The following CDH13 variants were observed in gnomAD, a reference collection of about 807,000 sequenced individuals.
CDH13 encodes the protein cadherin 13, also known as cadherin-13.
Under a neutral mutation model 63.8 loss-of-function variants are expected in CDH13, and 24 were observed. That is an observed-to-expected ratio of 0.38 (90% CI 0.27 to 0.53). The LOEUF (loss-of-function observed/expected upper bound fraction) is 0.53, where lower values mean the gene tolerates loss of function less well. CDH13 is among the 20% of genes least tolerant of loss of function. The pLI, the probability that CDH13 is intolerant of heterozygous loss-of-function variation, is 0.85. For synonymous variants in CDH13, 503 were observed against 355.3 expected (o/e 1.42, Z -4.67); for missense variants, 1,049 against 903.1 (o/e 1.16, Z -2.07).
At chr16:82,837,243 C>G (rs1261947643) in intron 1 of CDH13, among the ~76,000 whole-genome samples, 6 of 152,204 alleles carry the variant, frequency 3.9e-5, no homozygotes, top group Admixed American at 3.3e-4. Flanking sequence ...ATCTTAATTA[C>G]TTTGTCTGTA....
chr16:83,278,689 T>C (rs527608264), intron 5 of CDH13, among the ~76,000 whole-genome samples: 1 of 152,170 alleles, frequency 6.6e-6, no homozygotes, highest in Non-Finnish European at 1.5e-5. Context: ...TCCAGGGTAG[T>C]CTTTCATATG....
At chr16:83,380,581 G>A (rs1396953422) in intron 6 of CDH13, among the ~76,000 whole-genome samples, 1 of 152,080 alleles carries the variant, frequency 6.6e-6, no homozygotes, top group African/African-American at 2.4e-5. Flanking sequence ...GTCTGTATAG[G>A]GCAGTCTGGA....
chr16:82,865,303 A>C (rs2040088136), intron 2 of CDH13, among the ~76,000 whole-genome samples: 1 of 152,192 alleles, frequency 6.6e-6, no homozygotes, highest in Non-Finnish European at 1.5e-5. Context: ...TGGGGATTTC[A>C]ACCCCACATT....
chr16:83,098,752 T>C (rs1033376452), intron 3 of CDH13, among the ~76,000 whole-genome samples: 9 of 152,236 alleles, frequency 5.9e-5, no homozygotes, highest in Non-Finnish European at 8.8e-5. Flanking sequence ...CTGTGTGCCA[T>C]GTGTCTTCTT....
chr16:83,249,445 T>C (rs1299247289), intron 5 of CDH13, among the ~76,000 whole-genome samples: 1 of 152,244 alleles, frequency 6.6e-6, no homozygotes, highest in Admixed American at 6.5e-5. Context: ...ACACCCATTA[T>C]GTCCTGTGCA....
intron 1 of CDH13, among the ~76,000 whole-genome samples, chr16:82,748,186 C>T (rs2034261622): frequency 1.3e-5 from 2 of 152,170 alleles, no homozygotes; most frequent in South Asian, 2.1e-4. Flanking sequence ...GCCCTGGCCA[C>T]GTCTCTGTAG....
At chr16:83,672,527 T>A (rs1266120968) in intron 9 of CDH13, among the ~76,000 whole-genome samples, 1 of 146,252 alleles carries the variant, frequency 6.8e-6, no homozygotes, top group Non-Finnish European at 1.5e-5. Context: ...TGGGTTCAAG[T>A]GATTCTCCTG....
intron 7 of CDH13, among the ~76,000 whole-genome samples, chr16:83,524,445 C>CTTT (rs150233410): frequency 1.2e-4 from 7 of 59,258 alleles, no homozygotes; most frequent in Admixed American, 4.8e-4. Context: ...TTTCTTTTTT[C>CTTT]TTTTTTTTTT....
chr16:83,788,920 T>C (rs180735345), intron 13 of CDH13, among the ~76,000 whole-genome samples: 1 of 152,196 alleles, frequency 6.6e-6, no homozygotes, highest in Non-Finnish European at 1.5e-5. Flanking sequence ...GACAGTAGTT[T>C]CAGCCCCCAA....
intron 8 of CDH13, among the ~76,000 whole-genome samples, chr16:83,606,685 C>T (rs568937482): frequency 6.6e-6 from 1 of 151,162 alleles, no homozygotes; most frequent in East Asian, 1.9e-4. Flanking sequence ...CATGATCACA[C>T]CACTGCACTC....
chr16:83,461,962 T>A (rs1245410781), intron 6 of CDH13, among the ~76,000 whole-genome samples: 2 of 152,234 alleles, frequency 1.3e-5, no homozygotes, highest in Non-Finnish European at 2.9e-5. Flanking sequence ...GCTGTACACC[T>A]CCCTGTCCCT....
At chr16:82,907,521 A>C (rs1185837926) in intron 2 of CDH13, among the ~76,000 whole-genome samples, 2 of 152,208 alleles carry the variant, frequency 1.3e-5, no homozygotes, top group African/African-American at 4.8e-5. Context: ...ATTACCAACA[A>C]TGGTCAGTTA....
At chr16:82,759,478 A>G (rs1057150980) in intron 1 of CDH13, among the ~76,000 whole-genome samples, 1 of 151,642 alleles carries the variant, frequency 6.6e-6, no homozygotes, top group Non-Finnish European at 1.5e-5. Context: ...TAAGGCAAAA[A>G]CTCATAGGTA....
intron 5 of CDH13, among the ~76,000 whole-genome samples, chr16:83,311,948 C>T (rs1316460404): frequency 1.3e-5 from 2 of 151,882 alleles, no homozygotes; most frequent in South Asian, 2.1e-4. Flanking sequence ...GTGGTGCATG[C>T]CTGTAATCCC....
chr16:83,131,205 C>A (rs1489792425), intron 4 of CDH13, among the ~76,000 whole-genome samples: 1 of 129,674 alleles, frequency 7.7e-6, no homozygotes, highest in Admixed American at 9.3e-5. Context: ...CCCCCCCGCC[C>A]ACAGACACAC....
At chr16:82,694,422 A>G (rs117685833) in intron 1 of CDH13, among the ~76,000 whole-genome samples, 1,932 of 152,330 alleles carry the variant, frequency 0.013, 17 homozygotes, top group Non-Finnish European at 0.02. Flanking sequence ...GTGATAGACA[A>G]TATTCATATT....
intron 1 of CDH13, among the ~76,000 whole-genome samples, chr16:82,852,735 A>G (rs769073026): frequency 6.6e-6 from 1 of 152,230 alleles, no homozygotes; most frequent in Non-Finnish European, 1.5e-5. Context: ...GTGAGCAGAA[A>G]CAAGAACCAG....
chr16:83,117,205 C>G (rs2035346431), intron 3 of CDH13, among the ~76,000 whole-genome samples: 1 of 152,204 alleles, frequency 6.6e-6, no homozygotes, highest in Non-Finnish European at 1.5e-5. Flanking sequence ...AAGCCAGGGC[C>G]CTCTCCATGG....
At chr16:83,033,555 T>A (rs1477683939) in intron 3 of CDH13, among the ~76,000 whole-genome samples, 1 of 152,190 alleles carries the variant, frequency 6.6e-6, no homozygotes, top group African/African-American at 2.4e-5. Context: ...ATGGTATATC[T>A]GTATTATATG....
Sources: gnomAD v4.1 joint callset for allele counts (sites outside exome capture counted in the v4.1 genomes callset) on GRCh38, gnomAD v4.1.1 for gene constraint, MANE v1.5 for transcripts, NCBI Gene and HGNC (gene_info 2026-07-23, HGNC 2026-07-21) for gene names.